EFCAB12: variants seen among roughly 807,000 people sequenced by gnomAD.
EFCAB12 encodes EF-hand calcium binding domain 12, also known as EF-hand calcium-binding domain-containing protein 12.
Under a neutral mutation model 53.6 loss-of-function variants are expected in EFCAB12, and 43 were observed. That is an observed-to-expected ratio of 0.80 (90% CI 0.63 to 1.03). The LOEUF (loss-of-function observed/expected upper bound fraction) is 1.03, where lower values mean the gene tolerates loss of function less well. Ranked by LOEUF, EFCAB12 falls within the 50% of genes least tolerant of loss-of-function variation. EFCAB12 has a pLI of 0.00. For missense variants in EFCAB12, 646 were observed against 730.6 expected, an observed-to-expected ratio of 0.88 and a Z score of 1.34; for synonymous variants, 269 against 289.2, an observed-to-expected ratio of 0.93 and a Z score of 0.71.
In EFCAB12 at chr3:129,401,509, A is replaced by T. The variant is rs959087136; in HGVS notation, c.*84T>A. ...GATTTCTTTAGTTTGACTCTTTGAC[A>T]CTCCTCTTGTGTCTGGGCTCTGGGC... is the stretch of plus-strand genomic sequence containing the variant. On this transcript the variant is annotated 3_prime_UTR_variant, in exon 9 of 9. Transcript: ENST00000505956. The T allele has an allele frequency of 9.7e-6, 14 of 1,439,644 alleles. No individual in the cohort carries two copies. Among genetic ancestry groups the T allele is most frequent in the African/African-American group, 5.8e-5 (4 of 69,348 alleles). 89.2% of individuals were successfully genotyped at this position (1,439,644 alleles called of 1,614,324 possible). A position where few individuals can be genotyped will look rare whatever the true frequency, so the allele number is the denominator to read the frequency against.
intron 6 of EFCAB12, 91 bp downstream of exon 6, chr3:129,408,554 T>A: frequency 7.4e-7 from 1 of 1,357,964 alleles, no homozygotes. Flanking sequence ...GTGGCTTGAA[T>A]GGCTGCATGG....
intron 3 of EFCAB12, among the ~76,000 whole-genome samples, chr3:129,416,956 A>C (rs1320930972): frequency 6.6e-6 from 1 of 152,112 alleles, no homozygotes; most frequent in Non-Finnish European, 1.5e-5. Context: ...GCTAGGGTAA[A>C]GTATCTTGCA....
rs897694647 is a variant in EFCAB12, at chr3:129,428,306, C to T, written c.49+134G>A. On this transcript the variant is annotated intron_variant, in intron 1 of 8. Transcript: ENST00000505956. The stretch of plus-strand genomic sequence containing the variant: ...AATCTCAGAAATGTACATGACCTGC[C>T]CCCGACTCCATGGCAACCCTTCACC... 4.9e-6 allele frequency: 6 copies of T among 1,234,310 alleles called. No homozygotes were observed. The Admixed American group carries it at 1.2e-4, about 25-fold the overall frequency. The allele number at this position is 1,234,310 out of a possible 1,614,324, so 76.5% of individuals were successfully genotyped here.
intron 3 of EFCAB12, among the ~76,000 whole-genome samples, chr3:129,416,773 C>A (rs547523813): frequency 6.6e-6 from 1 of 152,222 alleles, no homozygotes; most frequent in South Asian, 2.1e-4. Flanking sequence ...TCTGACCCTC[C>A]CATGTAGCTG....
chr3:129,404,390 T>A lies in EFCAB12; in HGVS notation c.1263A>T (p.Pro421=), dbSNP rs1466529982. 1.2e-6 allele frequency: 2 copies of A among 1,613,296 alleles called. No individual in the cohort carries two copies. The highest frequency in any genetic ancestry group is 3.3e-5 in the Admixed American group (2 of 59,978). Residue 421 remains proline (P), a synonymous_variant, in exon 7 of 9, where the codon CCA becomes CCT. Transcript: ENST00000505956. ...EDILMKALLY[P]GDKIIFQMDK... ...CCATCTGGAAAATGATCTTGTCTCC[T>A]GGGTACAGCAAGGCTGTGGACAGCA...
At chr3:129,407,740 C>G (rs2071971752) in intron 6 of EFCAB12, among the ~76,000 whole-genome samples, 1 of 152,144 alleles carries the variant, frequency 6.6e-6, no homozygotes, top group Non-Finnish European at 1.5e-5. Flanking sequence ...ATGGTGAAAC[C>G]CCATCTCTAC....
chr3:129,421,741 TGAC>T lies in EFCAB12; in HGVS notation c.109_111del (p.Val37del), dbSNP rs2072192114. ...TGGAACTGCTTGAAGCAGTGGGCAA[TGAC>T]CGGTTCAGGATCAAAGACGGGAGCA... On this transcript the variant is annotated inframe_deletion, in exon 2 of 9. Transcript: ENST00000505956. The T allele has an allele frequency of 6.2e-7, 1 of 1,613,824 alleles. No individual in the cohort carries two copies. The highest frequency in any genetic ancestry group is 1.3e-5 in the African/African-American group (1 of 75,006).
intron 5 of EFCAB12, 26 bp downstream of exon 5, chr3:129,411,132 A>T: frequency 1.3e-6 from 2 of 1,548,904 alleles, no homozygotes; most frequent in Non-Finnish European, 1.7e-6. Context: ...CCCAAGCCGC[A>T]TGCTCTCCTT....
At chr3:129,403,881 G>C (rs2071910137) in intron 7 of EFCAB12, 1 of 162,690 alleles carries the variant, frequency 6.1e-6, no homozygotes, top group Admixed American at 6.3e-5. Flanking sequence ...CAGAGAAAGG[G>C]CTGCCCCCTG....
chr3:129,422,213 C>A (rs1443624735), intron 1 of EFCAB12, among the ~76,000 whole-genome samples: 1 of 152,206 alleles, frequency 6.6e-6, no homozygotes, highest in Non-Finnish European at 1.5e-5. Context: ...TTGAGCAAAC[C>A]ACCTAACTTC....
chr3:129,404,370 T>C lies in EFCAB12; in HGVS notation c.1283A>G (p.Gln428Arg), dbSNP rs768621223. ...CCGGATGGGGCACACTTTGTCCATC[T>C]GGAAAATGATCTTGTCTCCTGGGTA... ...LLYPGDKIIF[Q>R]MDKVCPIRQP... The change falls in exon 7 of 9, where the codon CAG becomes CGG. Residue 428 changes from glutamine to arginine, a missense_variant. Coordinates refer to ENST00000505956, the MANE Select transcript of EFCAB12 (RefSeq NM_207307.3). The C allele has an allele frequency of 1.1e-5, 18 of 1,613,592 alleles. No individual in the cohort carries two copies. In the Admixed American group the frequency reaches 2.5e-4, roughly 22 times the overall value.
At chr3:129,409,991 T>C (rs2072013503) in intron 5 of EFCAB12, among the ~76,000 whole-genome samples, 1 of 151,756 alleles carries the variant, frequency 6.6e-6, no homozygotes, top group African/African-American at 2.4e-5. Context: ...TTTAATTATA[T>C]ATATATTTGT....
chr3:129,420,671 C>T (rs2072177051), intron 2 of EFCAB12, among the ~76,000 whole-genome samples: 1 of 152,188 alleles, frequency 6.6e-6, no homozygotes, highest in South Asian at 2.1e-4. Flanking sequence ...GATGGACTGC[C>T]AGGATGATCC....
rs934841077 is a variant in EFCAB12, at chr3:129,402,672, G to A, written c.1404-93C>T. ...AGGTCAGGGCCGCAGGGGTGGACCC[G>A]TTTCTAAGTCTCAAACGAGAGCTCT... is the stretch of plus-strand genomic sequence containing the variant. On this transcript the variant is annotated intron_variant, in intron 7 of 8. Transcript: ENST00000505956. 43 of 1,226,380 alleles carry A rather than the reference G, an allele frequency of 3.5e-5. No individual in the cohort carries two copies. In the African/African-American group the frequency reaches 4.9e-4, roughly 14 times the overall value. The allele number at this position is 1,226,380 out of a possible 1,614,324, so 76.0% of individuals were successfully genotyped here. A position where few individuals can be genotyped will look rare whatever the true frequency, so the allele number is the denominator to read the frequency against.
chr3:129,411,227 CGT>C lies in EFCAB12; in HGVS notation c.964_965del (p.Thr322AlafsTer46). 6.2e-7 allele frequency: 1 copy of C among 1,613,816 alleles called. No individual in the cohort carries two copies. Among genetic ancestry groups the C allele is most frequent in the Non-Finnish European group, 8.5e-7 (1 of 1,179,818 alleles). On this transcript the variant is annotated frameshift_variant, in exon 5 of 9. Coordinates refer to ENST00000505956, the MANE Select transcript of EFCAB12 (RefSeq NM_207307.3). LOFTEE classifies it high-confidence loss of function. Reference sequence around the variant, plus strand: ...CCATCTCCTCCAGGGTCATGGGCCGCGTCTCCATCTGCGTGTCGACTGCAGGC... The same window carrying C: ...CCATCTCCTCCAGGGTCATGGGCCGCCTCCATCTGCGTGTCGACTGCAGGC... ...TVPAVDTQMETRPMTLEEMEE... is the reference protein window; with the variant it reads ...TVPAVDTQMEXRPMTLEEMEE...
intron 2 of EFCAB12, among the ~76,000 whole-genome samples, chr3:129,419,344 G>C (rs1351571649): frequency 6.6e-6 from 1 of 152,156 alleles, no homozygotes; most frequent in Non-Finnish European, 1.5e-5. Flanking sequence ...GAGTTCGTTG[G>C]AAATGCAGCA....
At chr3:129,407,568 G>A (rs1259520638) in intron 6 of EFCAB12, among the ~76,000 whole-genome samples, 5 of 152,198 alleles carry the variant, frequency 3.3e-5, no homozygotes, top group Admixed American at 1.3e-4. Context: ...CCCAAGTGCA[G>A]CTTGCTCCTT....
chr3:129,418,275 C>G lies in EFCAB12; in HGVS notation c.660G>C (p.Glu220Asp). 1 of 1,611,590 alleles carries G rather than the reference C, an allele frequency of 6.2e-7. No homozygotes were observed. The highest frequency in any genetic ancestry group is 8.5e-7 in the Non-Finnish European group (1 of 1,178,444). The change falls in exon 3 of 9, where the codon GAG becomes GAC. Residue 220 changes from glutamate (E) to aspartate (D), a missense_variant. By Grantham distance (45) the Glu-to-Asp change is conservative (BLOSUM62 2). Coordinates refer to ENST00000505956, the MANE Select transcript of EFCAB12 (RefSeq NM_207307.3). ...TTACTGCCTTTACAGCCGCGATGAA[C>G]TCCTCCCTGGTGATTCTCTGGTTCT... is the stretch of plus-strand genomic sequence containing the variant. ...QGENQRITRE[E>D]FIAAVKAVGV...
rs773657576 is a variant in EFCAB12, at chr3:129,421,510, C to G, written c.343G>C (p.Glu115Gln). ...WLSQRSKLRQ[E>Q]LESFGDVKRW... The stretch of plus-strand genomic sequence containing the variant: ...TTTACATCACCAAAGGACTCTAGCT[C>G]CTGCCGCAGCTTCGACCTCTGGCTC... Residue 115 changes from glutamate to glutamine, a missense_variant, in exon 2 of 9, where the codon GAG (glutamate) becomes CAG (glutamine). By Grantham distance (29) the Glu-to-Gln change is conservative. Transcript: ENST00000505956. The G allele has an allele frequency of 6.2e-7, 1 of 1,614,038 alleles. No homozygotes were observed. The highest frequency in any genetic ancestry group is 2.2e-5 in the East Asian group (1 of 44,878).
Sources: allele counts gnomAD v4.1 joint callset (sites outside exome capture counted in the v4.1 genomes callset), GRCh38; gene constraint gnomAD v4.1.1; transcripts MANE v1.5; gene names NCBI Gene and HGNC (gene_info 2026-07-23, HGNC 2026-07-21).